The following CDH12 variants were observed in gnomAD, a reference collection of about 807,000 sequenced individuals.
CDH12 encodes the protein cadherin-12.
In CDH12, 41 loss-of-function variants were observed where a neutral mutation model predicts 74.1. The ratio of observed to expected loss-of-function variants is 0.55; its 90% confidence interval spans 0.43 to 0.72. CDH12 has a LOEUF of 0.72. Among genes scored for constraint, CDH12 ranks in the 30% least tolerant of loss-of-function variants. The pLI is 0.00. For missense variants in CDH12, 945 were observed against 977.2 expected, an observed-to-expected ratio of 0.97 and a Z score of 0.44; for synonymous variants, 399 against 355.0, an observed-to-expected ratio of 1.12 and a Z score of -1.39.
rs1748034219 is a variant in CDH12, at chr5:22,156,551, A to G, written c.-187+55947T>C. Among the ~76,000 whole-genome samples, 5 of 151,948 alleles carry G rather than the reference A, an allele frequency of 3.3e-5. No individual in the cohort carries two copies. The South Asian group carries it at 1.0e-3, about 31-fold the overall frequency. Reference sequence around the variant, plus strand: ...TATTTGCTGTCTTTAAATCATTGAGAAAAAAAAGACTACATGTGTCATTTA... The same window carrying G: ...TATTTGCTGTCTTTAAATCATTGAGGAAAAAAAGACTACATGTGTCATTTA... On this transcript the variant is annotated intron_variant, in intron 4 of 14. Transcript: ENST00000382254.
At chr5:22,387,949 C>G (rs558737329) in intron 3 of CDH12, among the ~76,000 whole-genome samples, 1 of 152,110 alleles carries the variant, frequency 6.6e-6, no homozygotes, top group South Asian at 2.1e-4. Context: ...GACTATCAGG[C>G]TCATCATAAG....
chr5:22,659,710 T>C (rs1258988257), intron 1 of CDH12, among the ~76,000 whole-genome samples: 2 of 152,048 alleles, frequency 1.3e-5, no homozygotes, highest in East Asian at 1.9e-4. Flanking sequence ...CACATATACA[T>C]ATATAGGTAC....
intron 3 of CDH12, among the ~76,000 whole-genome samples, chr5:22,263,585 G>A (rs1256320138): frequency 6.6e-6 from 1 of 151,776 alleles, no homozygotes; most frequent in Non-Finnish European, 1.5e-5. Context: ...ATTTTTGGGG[G>A]GTGTATGCAT....
At chr5:22,583,824 T>C (rs375511629) in intron 1 of CDH12, among the ~76,000 whole-genome samples, 6 of 152,268 alleles carry the variant, frequency 3.9e-5, no homozygotes, top group East Asian at 3.9e-4. Flanking sequence ...AGTGTCTTCA[T>C]TGTGAAATTT....
intron 4 of CDH12, among the ~76,000 whole-genome samples, chr5:22,079,410 G>A (rs933910193): frequency 6.6e-6 from 1 of 152,112 alleles, no homozygotes; most frequent in African/African-American, 2.4e-5. Context: ...CCACAATGTA[G>A]AGAATAAAGA....
intron 5 of CDH12, among the ~76,000 whole-genome samples, chr5:21,985,128 T>A (rs1757461088): frequency 6.6e-6 from 1 of 152,194 alleles, no homozygotes; most frequent in Admixed American, 6.6e-5. Context: ...GTCTTTACTT[T>A]CCTTAATATA....
At chr5:22,024,617 A>T (rs1440598324) in intron 5 of CDH12, among the ~76,000 whole-genome samples, 2 of 152,102 alleles carry the variant, frequency 1.3e-5, no homozygotes, top group Non-Finnish European at 2.9e-5. Context: ...AATTCAAGAA[A>T]TTCTCATGCC....
chr5:22,053,176 T>TTGC (rs1207884732), intron 5 of CDH12, among the ~76,000 whole-genome samples: 1 of 152,078 alleles, frequency 6.6e-6, no homozygotes, highest in Non-Finnish European at 1.5e-5. Context: ...CTTATAAGTC[T>TTGC]TGCTGCTCCA....
intron 4 of CDH12, among the ~76,000 whole-genome samples, chr5:22,091,628 T>A (rs1743439736): frequency 1.3e-5 from 2 of 151,880 alleles, no homozygotes; most frequent in Non-Finnish European, 2.9e-5. Flanking sequence ...AAGAAGACAA[T>A]AACCCCAAAT....
In CDH12 at chr5:22,732,859, C is replaced by T. The variant is rs538335302; in HGVS notation, c.-523+120199G>A. On this transcript the variant is annotated intron_variant, in intron 1 of 14. Coordinates refer to ENST00000382254, the MANE Select transcript of CDH12 (RefSeq NM_004061.5). Reference sequence around the variant, plus strand: ...CCCAGAACTGTGAGACAATAAATGTCCATTGCTCTAAGCCACCCAGTTTGT... The same window carrying T: ...CCCAGAACTGTGAGACAATAAATGTTCATTGCTCTAAGCCACCCAGTTTGT... 1.3e-3 allele frequency among the ~76,000 whole-genome samples: 198 copies of T among 152,008 alleles called. 1 individual carries two copies. The highest frequency in any genetic ancestry group is 4.4e-3 in the African/African-American group (181 of 41,532).
At chr5:22,379,202 T>A (rs1040501495) in intron 3 of CDH12, among the ~76,000 whole-genome samples, 4 of 152,142 alleles carry the variant, frequency 2.6e-5, no homozygotes, top group Non-Finnish European at 4.4e-5. Context: ...TGCCAAGATG[T>A]TGCAAGATAT....
At chr5:22,625,473 G>T (rs1420604074) in intron 1 of CDH12, among the ~76,000 whole-genome samples, 1 of 152,174 alleles carries the variant, frequency 6.6e-6, no homozygotes, top group African/African-American at 2.4e-5. Context: ...TTGGGAAGGT[G>T]GCAGGGGAAG....
chr5:22,076,300 C>T (rs907373812), intron 5 of CDH12, among the ~76,000 whole-genome samples: 3 of 152,120 alleles, frequency 2.0e-5, no homozygotes, highest in African/African-American at 7.2e-5. Context: ...AGTGGAATTT[C>T]AGAGTATCAA....
At chr5:21,808,002 T>C (rs999326325) in intron 9 of CDH12, among the ~76,000 whole-genome samples, 1 of 152,034 alleles carries the variant, frequency 6.6e-6, no homozygotes, top group Non-Finnish European at 1.5e-5. Flanking sequence ...AATTTGTCAT[T>C]ATAGGAGATT....
At chr5:22,156,675 T>C (rs1223760136) in intron 4 of CDH12, among the ~76,000 whole-genome samples, 2 of 152,116 alleles carry the variant, frequency 1.3e-5, no homozygotes, top group African/African-American at 4.8e-5. Context: ...TTGAAATCAT[T>C]TTAAAAAGAA....
chr5:22,786,856 C>G (rs1269362595), intron 1 of CDH12, among the ~76,000 whole-genome samples: 1 of 151,812 alleles, frequency 6.6e-6, no homozygotes, highest in Non-Finnish European at 1.5e-5. Context: ...GTAGCTGGGA[C>G]TACAGATGCA....
intron 3 of CDH12, among the ~76,000 whole-genome samples, chr5:22,281,257 C>T (rs1475147623): frequency 6.6e-6 from 1 of 152,120 alleles, no homozygotes. Flanking sequence ...GACAAACCCA[C>T]AGCCAATATC....
intron 9 of CDH12, among the ~76,000 whole-genome samples, chr5:21,803,529 T>C (rs778333394): frequency 7.2e-5 from 11 of 152,146 alleles, no homozygotes; most frequent in Non-Finnish European, 1.6e-4. Context: ...CGCTGCTTAC[T>C]TGCACCCTCA....
chr5:21,929,558 C>T (rs901377461), intron 6 of CDH12, among the ~76,000 whole-genome samples: 1 of 152,092 alleles, frequency 6.6e-6, no homozygotes, highest in Non-Finnish European at 1.5e-5. Flanking sequence ...TGCTCTGTCA[C>T]CCTGGTTGGA....
Sources: gnomAD v4.1 joint callset for allele counts (sites outside exome capture counted in the v4.1 genomes callset) on GRCh38, gnomAD v4.1.1 for gene constraint, MANE v1.5 for transcripts, NCBI Gene and HGNC (gene_info 2026-07-23, HGNC 2026-07-21) for gene names.